PLCE1: variants seen among roughly 807,000 people sequenced by gnomAD.
PLCE1 encodes the protein 1-phosphatidylinositol 4,5-bisphosphate phosphodiesterase epsilon-1.
A neutral mutation model predicts 242.8 loss-of-function variants in PLCE1; 119 were observed. That is an observed-to-expected ratio of 0.49 (90% CI 0.42 to 0.57). PLCE1 has a LOEUF of 0.57. PLCE1 is among the 20% of genes least tolerant of loss of function. PLCE1 has a pLI of 0.00. For synonymous variants in PLCE1, 945 were observed against 1,017.4 expected (o/e 0.93, Z 1.35); for missense variants, 2,441 against 2,788.8 (o/e 0.88, Z 2.81).
intron 2 of PLCE1, among the ~76,000 whole-genome samples, chr10:94,123,236 T>A (rs2046347754): frequency 6.6e-6 from 1 of 152,112 alleles, no homozygotes; most frequent in Non-Finnish European, 1.5e-5. Context: ...TGGAAGAAGT[T>A]GTATGGAAGG....
chr10:94,267,986 C>A (rs1242561187), intron 16 of PLCE1, among the ~76,000 whole-genome samples: 1 of 152,210 alleles, frequency 6.6e-6, no homozygotes, highest in Non-Finnish European at 1.5e-5. Flanking sequence ...TATGTGCATT[C>A]TAAAATCAGT....
At chr10:94,148,978 A>T (rs558630403) in intron 3 of PLCE1, among the ~76,000 whole-genome samples, 1 of 152,316 alleles carries the variant, frequency 6.6e-6, no homozygotes, top group Admixed American at 6.5e-5. Flanking sequence ...CCTCTCACAC[A>T]GCACCCCGGA....
chr10:94,083,606 A>G (rs1473357978), intron 2 of PLCE1, among the ~76,000 whole-genome samples: 4 of 152,210 alleles, frequency 2.6e-5, no homozygotes, highest in Admixed American at 2.6e-4. Context: ...GATAGCCAAC[A>G]GCAGTTTCCT....
At chr10:94,021,983 T>C (rs915181439) in intron 1 of PLCE1, among the ~76,000 whole-genome samples, 1 of 152,016 alleles carries the variant, frequency 6.6e-6, no homozygotes, top group Non-Finnish European at 1.5e-5. Context: ...TTTCCCCATA[T>C]GAATGAGGAC....
intron 2 of PLCE1, among the ~76,000 whole-genome samples, chr10:94,056,320 G>A (rs896493334): frequency 4.3e-4 from 65 of 152,096 alleles, no homozygotes; most frequent in African/African-American, 1.6e-3. Flanking sequence ...TAGAATTTAT[G>A]ATTGTCTTTG....
At chr10:94,177,017 G>T (rs2048147698) in intron 4 of PLCE1, among the ~76,000 whole-genome samples, 1 of 152,166 alleles carries the variant, frequency 6.6e-6, no homozygotes, top group Non-Finnish European at 1.5e-5. Context: ...AAGACTCATG[G>T]TTTAGGGAGG....
At chr10:94,192,927 C>T (rs2048714225) in intron 4 of PLCE1, among the ~76,000 whole-genome samples, 1 of 152,162 alleles carries the variant, frequency 6.6e-6, no homozygotes, top group Non-Finnish European at 1.5e-5. Context: ...TAAAAGGATA[C>T]TATTTTGCGA....
chr10:94,053,871 C>T (rs1218335456), intron 2 of PLCE1, among the ~76,000 whole-genome samples: 5 of 152,088 alleles, frequency 3.3e-5, no homozygotes, highest in African/African-American at 4.8e-5. Flanking sequence ...TTCAGGGTGA[C>T]CAGATTAGTT....
chr10:94,192,739 C>A lies in PLCE1; in HGVS notation c.1809+21243C>A, dbSNP rs1375331469. Among the ~76,000 whole-genome samples, 4 of 152,130 alleles carry A rather than the reference C, an allele frequency of 2.6e-5. No individual in the cohort carries two copies. In the South Asian group the frequency reaches 6.2e-4, roughly 24 times the overall value. On this transcript the variant is annotated intron_variant, in intron 4 of 32. Transcript: ENST00000371380. ...TCGAATAGTAGTTCTATTTTAAGTT[C>A]TTTGAGAAGTCTCTAAACTACTTTT...
At chr10:94,025,813 G>C (rs552122403) in intron 1 of PLCE1, among the ~76,000 whole-genome samples, 1 of 152,182 alleles carries the variant, frequency 6.6e-6, no homozygotes, top group South Asian at 2.1e-4. Flanking sequence ...TGGCTATCAA[G>C]CCTCCCACAT....
At chr10:94,210,601 C>T (rs2049302007) in intron 4 of PLCE1, among the ~76,000 whole-genome samples, 2 of 152,286 alleles carry the variant, frequency 1.3e-5, no homozygotes, top group East Asian at 3.9e-4. Flanking sequence ...TCCCCACGTC[C>T]TAGGCTTTGA....
chr10:94,123,184 G>T (rs985895097), intron 2 of PLCE1, among the ~76,000 whole-genome samples: 1 of 152,170 alleles, frequency 6.6e-6, no homozygotes, highest in Admixed American at 6.5e-5. Context: ...CCCAGGGAAG[G>T]CCACATGGAG....
chr10:94,282,554 C>T (rs1286605583), intron 20 of PLCE1, among the ~76,000 whole-genome samples: 3 of 152,076 alleles, frequency 2.0e-5, no homozygotes, highest in East Asian at 1.9e-4. Context: ...AAATATGTAA[C>T]ATGAATGTGT....
intron 1 of PLCE1, among the ~76,000 whole-genome samples, chr10:94,021,695 T>C (rs1311680969): frequency 6.6e-6 from 1 of 152,178 alleles, no homozygotes; most frequent in African/African-American, 2.4e-5. Context: ...TTTTTCTCTC[T>C]TCTAAGAATT....
intron 3 of PLCE1, among the ~76,000 whole-genome samples, chr10:94,148,989 T>A (rs2047198427): frequency 6.6e-6 from 1 of 152,272 alleles, no homozygotes; most frequent in Non-Finnish European, 1.5e-5. Context: ...GCACCCCGGA[T>A]CTTTAATCCC....
intron 13 of PLCE1, among the ~76,000 whole-genome samples, chr10:94,261,186 C>G (rs1485516277): frequency 1.3e-5 from 2 of 152,180 alleles, no homozygotes; most frequent in Non-Finnish European, 2.9e-5. Flanking sequence ...GCAGCCACTG[C>G]TCTTTTTATT....
chr10:94,216,122 T>C (rs1471899195), intron 4 of PLCE1, among the ~76,000 whole-genome samples: 3 of 152,224 alleles, frequency 2.0e-5, no homozygotes, highest in Non-Finnish European at 4.4e-5. Context: ...TAAGGACATA[T>C]ACCTCATAGG....
chr10:94,284,478 A>G (rs2052364892), intron 21 of PLCE1, among the ~76,000 whole-genome samples: 1 of 152,152 alleles, frequency 6.6e-6, no homozygotes, highest in Non-Finnish European at 1.5e-5. Context: ...CAGTTTATAG[A>G]CTCTGAGCAA....
At chr10:94,244,136 G>A (rs918568312) in intron 7 of PLCE1, among the ~76,000 whole-genome samples, 8 of 152,182 alleles carry the variant, frequency 5.3e-5, no homozygotes, top group East Asian at 1.9e-4. Context: ...GAATATCCAC[G>A]TGTGGGGCAA....
Sources: gnomAD v4.1 joint callset for allele counts (sites outside exome capture counted in the v4.1 genomes callset) on GRCh38, gnomAD v4.1.1 for gene constraint, MANE v1.5 for transcripts, NCBI Gene and HGNC (gene_info 2026-07-23, HGNC 2026-07-21) for gene names.